GABRB1: variants seen among roughly 807,000 people sequenced by gnomAD.
The protein encoded by GABRB1 is gamma-aminobutyric acid receptor subunit beta-1.
Under a neutral mutation model 51.6 loss-of-function variants are expected in GABRB1, and 17 were observed. The ratio of observed to expected loss-of-function variants is 0.33; its 90% CI spans 0.23 to 0.49. GABRB1 has a LOEUF of 0.49. Among genes scored for constraint, GABRB1 ranks in the 20% least tolerant of loss-of-function variants. The pLI, the probability that GABRB1 is intolerant of heterozygous loss-of-function variation, is 0.99. For synonymous variants in GABRB1, 247 were observed against 218.9 expected, an observed-to-expected ratio of 1.13 and a Z score of -1.14; for missense variants, 410 against 600.6, an observed-to-expected ratio of 0.68 and a Z score of 3.32.
At chr4:47,174,645 T>A (rs549019902) in intron 4 of GABRB1, among the ~76,000 whole-genome samples, 2 of 152,186 alleles carry the variant, frequency 1.3e-5, no homozygotes, top group South Asian at 4.1e-4. Context: ...TGATGATAGG[T>A]TTATTGGGGA....
At chr4:47,123,760 AATATAT>A (rs1560545617) in intron 3 of GABRB1, among the ~76,000 whole-genome samples, 3 of 87,438 alleles carry the variant, frequency 3.4e-5, no homozygotes, top group South Asian at 3.0e-4. Flanking sequence ...AATATATTAT[AATATAT>A]TATATATCAT....
intron 4 of GABRB1, among the ~76,000 whole-genome samples, chr4:47,194,359 T>C (rs761725701): frequency 6.6e-6 from 1 of 152,218 alleles, no homozygotes; most frequent in Non-Finnish European, 1.5e-5. Context: ...CTACACTCTA[T>C]TTAGAATGAA....
chr4:47,266,238 G>A (rs79996927), intron 4 of GABRB1, among the ~76,000 whole-genome samples: 3,325 of 152,120 alleles, frequency 0.022, 141 homozygotes, highest in African/African-American at 0.076. Flanking sequence ...TCAAAGACTG[G>A]TTGGTTGTAG....
chr4:47,017,594 A>G (rs2109447436), intron 1 of GABRB1, among the ~76,000 whole-genome samples: 1 of 152,270 alleles, frequency 6.6e-6, no homozygotes, highest in South Asian at 2.1e-4. Context: ...AGCTGTAACC[A>G]GGAAAGTTAT....
chr4:47,273,390 T>C (rs1306608616), intron 4 of GABRB1, among the ~76,000 whole-genome samples: 2 of 152,212 alleles, frequency 1.3e-5, no homozygotes, highest in African/African-American at 2.4e-5. Context: ...GGGTAGTTTA[T>C]TTCCTGCCAA....
At chr4:47,280,465 C>G (rs1302874784) in intron 4 of GABRB1, among the ~76,000 whole-genome samples, 4 of 150,480 alleles carry the variant, frequency 2.7e-5, no homozygotes, top group Admixed American at 2.0e-4. Flanking sequence ...CTTACTATTA[C>G]CAGTGATTTT....
chr4:47,250,064 A>G (rs548233330), intron 4 of GABRB1, among the ~76,000 whole-genome samples: 2 of 152,242 alleles, frequency 1.3e-5, no homozygotes, highest in South Asian at 4.2e-4. Context: ...TTTATGCTTT[A>G]AAGAGGTTCT....
chr4:47,059,160 A>G (rs1726743018), intron 3 of GABRB1, among the ~76,000 whole-genome samples: 2 of 152,298 alleles, frequency 1.3e-5, no homozygotes, highest in South Asian at 4.1e-4. Flanking sequence ...AAACTTCTCT[A>G]TACTATGGAT....
intron 8 of GABRB1, among the ~76,000 whole-genome samples, chr4:47,422,423 A>G (rs527505228): frequency 7.9e-5 from 12 of 152,210 alleles, no homozygotes; most frequent in African/African-American, 2.9e-4. Flanking sequence ...CTTGCTACCA[A>G]TTCAGTCTTT....
chr4:47,032,610 C>A, intron 3 of GABRB1, 126 bp downstream of exon 3: 1 of 828,538 alleles, frequency 1.2e-6, no homozygotes, highest in Non-Finnish European at 2.1e-6. Context: ...ACTCCGCACC[C>A]GCTCCCCGCT....
intron 3 of GABRB1, among the ~76,000 whole-genome samples, chr4:47,090,834 T>C (rs1186451265): frequency 1.4e-5 from 2 of 139,430 alleles, no homozygotes; most frequent in Non-Finnish European, 3.3e-5. Flanking sequence ...TGGCCAGGGA[T>C]AGCTTTTTTC....
At chr4:47,122,306 A>T (rs1715811587) in intron 3 of GABRB1, among the ~76,000 whole-genome samples, 1 of 152,142 alleles carries the variant, frequency 6.6e-6, no homozygotes, top group Non-Finnish European at 1.5e-5. Context: ...TAATTTTCAG[A>T]CTGTTTAGTT....
intron 3 of GABRB1, among the ~76,000 whole-genome samples, chr4:47,105,792 A>G (rs892319300): frequency 3.3e-5 from 5 of 152,048 alleles, no homozygotes; most frequent in East Asian, 3.9e-4. Context: ...TCTGCCCCCA[A>G]TATTCCTCAT....
In GABRB1 at chr4:47,161,310, G is replaced by A. The variant is rs1181240223; in HGVS notation, c.302G>A (p.Gly101Glu). The change falls in exon 4 of 9, where the codon GGA (glycine) becomes GAA (glutamate). Residue 101 changes from glycine (G) to glutamate (E), a missense_variant. Gly to Glu is a moderately conservative substitution (Grantham distance 98). Transcript: ENST00000295454. ...AAAGACAAAAGGCTTTCTTATTCTG[G>A]AATCCCACTGAACCTCACCCTAGAC... ...SWKDKRLSYS[G>E]IPLNLTLDNR... is the part of the protein sequence containing the mutation. 2 of 1,612,020 alleles carry A rather than the reference G, an allele frequency of 1.2e-6. No homozygotes were observed. Among genetic ancestry groups the A allele is most frequent in the Non-Finnish European group, 1.7e-6 (2 of 1,179,096 alleles).
intron 5 of GABRB1, among the ~76,000 whole-genome samples, chr4:47,331,083 A>G (rs532718837): frequency 4.0e-4 from 61 of 152,270 alleles, no homozygotes; most frequent in Non-Finnish European, 7.9e-4. Flanking sequence ...ATTGTCAAGG[A>G]AATTAGCAGC....
intron 4 of GABRB1, among the ~76,000 whole-genome samples, chr4:47,214,199 A>G (rs1235449675): frequency 3.3e-5 from 5 of 152,150 alleles, no homozygotes; most frequent in African/African-American, 1.2e-4. Flanking sequence ...TGAACTTTCA[A>G]TGTCTTTTCA....
intron 5 of GABRB1, among the ~76,000 whole-genome samples, chr4:47,358,383 A>G (rs1450848903): frequency 6.6e-6 from 1 of 151,592 alleles, no homozygotes; most frequent in Middle Eastern, 3.5e-3. Context: ...GTGTGTGTGT[A>G]TATATGTATA....
At chr4:47,118,615 C>T (rs536421209) in intron 3 of GABRB1, among the ~76,000 whole-genome samples, 2 of 152,168 alleles carry the variant, frequency 1.3e-5, no homozygotes, top group South Asian at 2.1e-4. Flanking sequence ...CGTGTGACCG[C>T]GGATGAAATA....
At chr4:47,075,470 A>T (rs138816081) in intron 3 of GABRB1, among the ~76,000 whole-genome samples, 288 of 150,914 alleles carry the variant, frequency 1.9e-3, no homozygotes, top group African/African-American at 6.7e-3. Flanking sequence ...ACAATGGGTG[A>T]CTCAAACAAG....
Sources: gnomAD v4.1 joint callset for allele counts (sites outside exome capture counted in the v4.1 genomes callset) on GRCh38, gnomAD v4.1.1 for gene constraint, MANE v1.5 for transcripts, NCBI Gene and HGNC (gene_info 2026-07-23, HGNC 2026-07-21) for gene names.